PADI6: variants seen among roughly 807,000 people sequenced by gnomAD.
PADI6 encodes inactive protein-arginine deiminase type-6.
PADI6 carries 66 observed loss-of-function variants against 78.2 expected under a neutral mutation model. The observed-to-expected ratio is 0.84, with a 90% CI of 0.69 to 1.04. The LOEUF (loss-of-function observed/expected upper bound fraction) is 1.04, where lower values mean the gene tolerates loss of function less well. Ranked by LOEUF, PADI6 falls within the 50% of genes least tolerant of loss-of-function variation. The pLI is 0.00. For missense variants in PADI6, 854 were observed against 866.1 expected (o/e 0.99, Z 0.18); for synonymous variants, 397 against 346.9 (o/e 1.14, Z -1.60).
intron 14 of PADI6, among the ~76,000 whole-genome samples, chr1:17,397,777 G>A (rs2075260957): frequency 6.6e-6 from 1 of 152,176 alleles, no homozygotes; most frequent in Non-Finnish European, 1.5e-5. Flanking sequence ...AATCATTTGG[G>A]AAAATGAGTC....
chr1:17,401,477 A>G lies in PADI6; in HGVS notation c.*39A>G. Reference sequence around the variant, plus strand: ...AGCTGCCAGCTCTGCCCCAGCGTGGATGGCCCACTGTCACCATGCAACAGC... The same window carrying G: ...AGCTGCCAGCTCTGCCCCAGCGTGGGTGGCCCACTGTCACCATGCAACAGC... On this transcript the variant is annotated 3_prime_UTR_variant, in exon 16 of 16. Coordinates refer to ENST00000619609, the MANE Select transcript of PADI6 (RefSeq NM_207421.4). 1 of 1,544,644 alleles carries G rather than the reference A, an allele frequency of 6.5e-7. No homozygotes were observed. Among genetic ancestry groups the G allele is most frequent in the Admixed American group, 1.8e-5 (1 of 57,006 alleles).
At chr1:17,394,541 C>T in intron 11 of PADI6, 87 bp downstream of exon 11, 1 of 1,395,216 alleles carries the variant, frequency 7.2e-7, no homozygotes, top group Non-Finnish European at 9.8e-7. Flanking sequence ...AGCACCTCAG[C>T]AGGTCACACA....
In PADI6 at chr1:17,401,127, C is replaced by T. The variant is rs191429762; in HGVS notation, c.1852-78C>T. Reference sequence around the variant, plus strand: ...GCCTGCCTGCTACGCCTGGTCTGACCGCAGAGAGGCAGGTGGGCGGCTGGC... The same window carrying T: ...GCCTGCCTGCTACGCCTGGTCTGACTGCAGAGAGGCAGGTGGGCGGCTGGC... On this transcript the variant is annotated intron_variant, in intron 15 of 15. Transcript: ENST00000619609. The T allele has an allele frequency of 1.8e-3, 2,464 of 1,378,948 alleles. 4 individuals are homozygous for T. Among genetic ancestry groups the T allele is most frequent in the Admixed American group, 2.9e-3 (155 of 53,370 alleles). 85.4% of individuals were successfully genotyped at this position (1,378,948 alleles called of 1,614,324 possible).
rs1483246689 is a variant in PADI6, at chr1:17,398,864, C to A, written c.1851+17C>A. 6.2e-7 allele frequency: 1 copy of A among 1,611,122 alleles called. No individual in the cohort carries two copies. The highest frequency in any genetic ancestry group is 8.5e-7 in the Non-Finnish European group (1 of 1,178,362). On this transcript the variant is annotated intron_variant, in intron 15 of 15. Transcript: ENST00000619609. ...CCTGACCTGGTGAGGGGCGACTGCG[C>A]ATCCCTGGGTGGGGGAGGGCCTGTC... is the stretch of plus-strand genomic sequence containing the variant.
At chr1:17,383,852 TATTC>T (rs2075095588) in intron 6 of PADI6, among the ~76,000 whole-genome samples, 1 of 150,052 alleles carries the variant, frequency 6.7e-6, no homozygotes, top group Admixed American at 6.7e-5. Flanking sequence ...TAAAAAAACT[TATTC>T]AACAATCTAG....
Position 17,401,675 on chromosome 1 carries a change from A to G in PADI6, c.*237A>G. On this transcript the variant is annotated 3_prime_UTR_variant, in exon 16 of 16. Transcript: ENST00000619609. ...CCAAGTGACGTTTACTAAATAGCCA[A>G]TAAAGGGCTGGTGGGTGTGAATGCA... 1.9e-6 allele frequency: 1 copy of G among 521,934 alleles called. No homozygotes were observed. Among genetic ancestry groups the G allele is most frequent in the South Asian group, 2.2e-5 (1 of 46,326 alleles). The allele number at this position is 521,934 out of a possible 1,614,324, so 32.3% of individuals were successfully genotyped here. A position where few individuals can be genotyped will look rare whatever the true frequency, so the allele number is the denominator to read the frequency against.
chr1:17,392,013 C>T, intron 8 of PADI6, 101 bp from the exon 9 acceptor site: 2 of 990,448 alleles, frequency 2.0e-6, no homozygotes, highest in East Asian at 5.3e-5. Context: ...GTAACCTCTC[C>T]TGGTGAGAAG....
chr1:17,398,913 A>C lies in PADI6; in HGVS notation c.1851+66A>C, dbSNP rs1570154309. ...TCCAGGCAACACTGGCTGCCACCTC[A>C]CTGTGCTGGACTGCAGATATGGTGG... On this transcript the variant is annotated intron_variant, in intron 15 of 15. Transcript: ENST00000619609. 6 of 1,488,972 alleles carry C rather than the reference A, an allele frequency of 4.0e-6. No homozygotes were observed. In the Admixed American group the frequency reaches 1.1e-4, roughly 26 times the overall value. 92.2% of individuals were successfully genotyped at this position (1,488,972 alleles called of 1,614,324 possible).
At chr1:17,385,948 TG>T (rs2075114934) in intron 6 of PADI6, among the ~76,000 whole-genome samples, 1 of 152,198 alleles carries the variant, frequency 6.6e-6, no homozygotes, top group Non-Finnish European at 1.5e-5. Flanking sequence ...GATCCAGCTC[TG>T]GAAGAATAAA....
intron 8 of PADI6, 80 bp downstream of exon 8, chr1:17,388,960 G>A: frequency 1.7e-6 from 2 of 1,161,838 alleles, no homozygotes; most frequent in East Asian, 2.5e-5. Flanking sequence ...GGCAGGGTGG[G>A]TGAAGATGAC....
At chr1:17,394,878 A>AT (rs2075229688) in intron 11 of PADI6, 73 bp from the exon 12 acceptor site, 1 of 1,478,494 alleles carries the variant, frequency 6.8e-7, no homozygotes, top group Non-Finnish European at 9.0e-7. Context: ...TGGAGGCAGC[A>AT]TGACACCAAG....
intron 13 of PADI6, among the ~76,000 whole-genome samples, chr1:17,396,587 T>C (rs2075249600): frequency 6.6e-6 from 1 of 152,144 alleles, no homozygotes; most frequent in African/African-American, 2.4e-5. Flanking sequence ...AGAAGCACCA[T>C]GGAAGGTGAC....
At chr1:17,397,267 C>A in intron 14 of PADI6, 126 bp downstream of exon 14, 1 of 1,015,508 alleles carries the variant, frequency 9.8e-7, no homozygotes, top group Non-Finnish European at 1.5e-6. Context: ...GCCTGCCACC[C>A]TTTCTTCCAG....
chr1:17,398,510 C>G (rs539234957), intron 14 of PADI6, among the ~76,000 whole-genome samples, 176 bp from the exon 15 acceptor site: 2 of 152,302 alleles, frequency 1.3e-5, no homozygotes, highest in African/African-American at 4.8e-5. Flanking sequence ...GAAAAGGGAA[C>G]TGCCTATTTC....
At chr1:17,383,762 C>T (rs1249402466) in intron 6 of PADI6, among the ~76,000 whole-genome samples, 1 of 152,142 alleles carries the variant, frequency 6.6e-6, no homozygotes, top group Admixed American at 6.5e-5. Context: ...ATTGCTTGAA[C>T]CCGAAAGGCA....
chr1:17,377,804 G>A lies in PADI6; in HGVS notation c.368-2116G>A, dbSNP rs186232972. On this transcript the variant is annotated intron_variant, in intron 3 of 15. Coordinates refer to ENST00000619609, the MANE Select transcript of PADI6 (RefSeq NM_207421.4). ...AGACCTCCCAGTGGGGTTCATGCTGGCACTCTTGCCCTTCTGACTAAGACC... is the reference window on the plus strand; with the variant it reads ...AGACCTCCCAGTGGGGTTCATGCTGACACTCTTGCCCTTCTGACTAAGACC... Among the ~76,000 whole-genome samples, 11 of 152,318 alleles carry A rather than the reference G, an allele frequency of 7.2e-5. No homozygotes were observed. The East Asian group carries it at 2.1e-3, about 29-fold the overall frequency.
Position 17,388,557 on chromosome 1 carries a change from C to T in PADI6, c.856C>T (p.Pro286Ser), listed in dbSNP as rs1423953881. ...GTCCCTGGTGGAGGAGTCTCAAGAC[C>T]CGGTATGTCCCCATAATAGATGGGT... ...SVSLVEESQD[P>S]SIPETVLYKD... is the part of the protein sequence containing the mutation. The change falls in exon 7 of 16, where the codon CCG (proline) becomes TCG (serine). Residue 286 changes from proline (P) to serine (S), a missense_variant and splice_region_variant. Physicochemically the swap from Pro to Ser is moderately conservative, Grantham distance 74. Coordinates refer to ENST00000619609, the MANE Select transcript of PADI6 (RefSeq NM_207421.4). 1 of 1,606,186 alleles carries T rather than the reference C, an allele frequency of 6.2e-7. No homozygotes were observed. Among genetic ancestry groups the T allele is most frequent in the African/African-American group, 1.3e-5 (1 of 74,762 alleles).
intron 6 of PADI6, among the ~76,000 whole-genome samples, chr1:17,387,171 C>T (rs112338990): frequency 0.012 from 1,793 of 152,192 alleles, 44 homozygotes; most frequent in African/African-American, 0.04. Flanking sequence ...GGGCTGGGCA[C>T]AGTGGCTCAC....
At chr1:17,387,466 G>GGC (rs1553153228) in intron 6 of PADI6, among the ~76,000 whole-genome samples, 2 of 151,548 alleles carry the variant, frequency 1.3e-5, no homozygotes, top group Non-Finnish European at 2.9e-5. Context: ...GGAGGGGGGG[G>GGC]GGCCAGGCGT....
Sources: gnomAD v4.1 joint callset for allele counts (sites outside exome capture counted in the v4.1 genomes callset) on GRCh38, gnomAD v4.1.1 for gene constraint, MANE v1.5 for transcripts, NCBI Gene and HGNC (gene_info 2026-07-23, HGNC 2026-07-21) for gene names.